Variants in ORC5 observed in about 807,000 individuals in gnomAD.
ORC5 encodes origin recognition complex subunit 5.
ORC5 carries 39 observed loss-of-function variants against 58.8 expected under a neutral mutation model. The observed-to-expected ratio is 0.66, with a 90% CI of 0.51 to 0.87. The LOEUF (loss-of-function observed/expected upper bound fraction) is 0.87, where lower values mean the gene tolerates loss of function less well. Ranked by LOEUF, ORC5 falls within the 40% of genes least tolerant of loss-of-function variation. The pLI is 0.00. For missense variants in ORC5, 493 were observed against 506.3 expected, an observed-to-expected ratio of 0.97 and a Z score of 0.25; for synonymous variants, 218 against 177.6, an observed-to-expected ratio of 1.23 and a Z score of -1.81.
At chr7:104,183,278 C>A (rs553186713) in intron 8 of ORC5, among the ~76,000 whole-genome samples, 1 of 152,272 alleles carries the variant, frequency 6.6e-6, no homozygotes, top group South Asian at 2.1e-4. Context: ...CTTCAAACCT[C>A]CCTTGTGGCT....
At chr7:104,175,066 T>A (rs986267411) in intron 8 of ORC5, among the ~76,000 whole-genome samples, 4 of 152,242 alleles carry the variant, frequency 2.6e-5, no homozygotes, top group African/African-American at 9.6e-5. Context: ...TTTGTTCCTG[T>A]TCTAAAGCTA....
intron 8 of ORC5, among the ~76,000 whole-genome samples, chr7:104,177,339 A>G (rs1042203383): frequency 2.6e-5 from 4 of 152,216 alleles, no homozygotes; most frequent in African/African-American, 7.2e-5. Context: ...AGAAAAGACT[A>G]TATTTGGGAC....
rs114971360 is a variant in ORC5, at chr7:104,138,113, A to C, written c.1150-1220T>G. 0.022 allele frequency among the ~76,000 whole-genome samples: 3,390 copies of C among 152,324 alleles called. 129 individuals carry two copies. The highest frequency in any genetic ancestry group is 0.077 in the African/African-American group (3,219 of 41,572). ...TGAGCAGCGGGACACTGAAGAAGCA[A>C]GCCACTACCCCTGGAAGGGGGACAA... is the stretch of plus-strand genomic sequence containing the variant. On this transcript the variant is annotated intron_variant, in intron 12 of 13. Coordinates refer to ENST00000297431, the MANE Select transcript of ORC5 (RefSeq NM_002553.4). This position sits in a 1 kb window ranked among gnomAD's most constrained non-coding sequence, Gnocchi z 4.7.
At chr7:104,144,905 A>AC (rs1214889733) in intron 12 of ORC5, among the ~76,000 whole-genome samples, 1 of 151,388 alleles carries the variant, frequency 6.6e-6, no homozygotes, top group African/African-American at 2.4e-5. Context: ...TCTGACAAAA[A>AC]GTCTCTAGAC....
chr7:104,176,854 T>C (rs1799331935), intron 8 of ORC5, among the ~76,000 whole-genome samples: 1 of 152,218 alleles, frequency 6.6e-6, no homozygotes, highest in African/African-American at 2.4e-5. Flanking sequence ...AGTTTTATAT[T>C]TGTCTCTACT....
At chr7:104,169,157 G>A (rs897549686) in intron 8 of ORC5, among the ~76,000 whole-genome samples, 3 of 152,068 alleles carry the variant, frequency 2.0e-5, no homozygotes, top group Non-Finnish European at 2.9e-5. Flanking sequence ...TCTAGTTACC[G>A]TATTAGATGC....
chr7:104,163,398 T>C (rs1799056085), intron 11 of ORC5, among the ~76,000 whole-genome samples: 1 of 152,204 alleles, frequency 6.6e-6, no homozygotes, highest in Non-Finnish European at 1.5e-5. Context: ...CACTATGAGA[T>C]GAAAGAGGGT....
intron 8 of ORC5, among the ~76,000 whole-genome samples, chr7:104,176,222 G>T (rs1448505511): frequency 6.6e-6 from 1 of 152,130 alleles, no homozygotes; most frequent in African/African-American, 2.4e-5. Context: ...ATCCCTTAGG[G>T]CATTCTATTC....
Position 104,200,911 on chromosome 7 carries a change from C to T in ORC5, c.213G>A (p.Leu71=), listed in dbSNP as rs1799925333. 6.2e-7 allele frequency: 1 copy of T among 1,613,658 alleles called. No individual in the cohort carries two copies. Among genetic ancestry groups the T allele is most frequent in the Non-Finnish European group, 8.5e-7 (1 of 1,179,684 alleles). ...ATTTGTTTAAAATTTGTTCCAAAAG[C>T]AGCCTCAATGTAAAGCATTCAACAC... ...VNCVECFTLR[L]LLEQILNKLN... is the part of the protein sequence containing the mutation. Residue 71 remains leucine, a synonymous_variant, in exon 3 of 14, where the codon CTG becomes CTA. Coordinates refer to ENST00000297431, the MANE Select transcript of ORC5 (RefSeq NM_002553.4).
chr7:104,171,687 CA>C (rs375401251), intron 8 of ORC5, among the ~76,000 whole-genome samples: 2 of 151,438 alleles, frequency 1.3e-5, no homozygotes, highest in Non-Finnish European at 2.9e-5. Flanking sequence ...ACTCTTAAAA[CA>C]AAAAAAATAC....
chr7:104,186,200 T>G (rs1247705128), intron 6 of ORC5, among the ~76,000 whole-genome samples: 1 of 151,332 alleles, frequency 6.6e-6, no homozygotes, highest in African/African-American at 2.5e-5. Context: ...AGGGTCCACT[T>G]GTCTACAGAT....
intron 2 of ORC5, 77 bp from the exon 3 acceptor site, chr7:104,201,035 C>A: frequency 2.4e-6 from 3 of 1,266,272 alleles, no homozygotes; most frequent in East Asian, 5.0e-5. Flanking sequence ...GGATAGTCTC[C>A]ATTTGCCTTT....
At chr7:104,182,794 T>C (rs1799461926) in intron 8 of ORC5, among the ~76,000 whole-genome samples, 1 of 152,148 alleles carries the variant, frequency 6.6e-6, no homozygotes, top group African/African-American at 2.4e-5. Flanking sequence ...TTACTATACA[T>C]TTTACTTTGT....
chr7:104,186,723 AAAAG>A (rs1413616768), intron 6 of ORC5, among the ~76,000 whole-genome samples: 3 of 152,184 alleles, frequency 2.0e-5, no homozygotes, highest in Non-Finnish European at 4.4e-5. Context: ...CTGAAGAAAA[AAAAG>A]AAAATGAATA....
chr7:104,154,242 T>A (rs1374217211), intron 12 of ORC5, among the ~76,000 whole-genome samples: 1 of 152,044 alleles, frequency 6.6e-6, no homozygotes, highest in East Asian at 1.9e-4. Context: ...TTTAATTGGG[T>A]ATTAACAAAA....
At chr7:104,165,374 C>T (rs921090947) in intron 10 of ORC5, 92 bp from the exon 11 acceptor site, 12 of 706,614 alleles carry the variant, frequency 1.7e-5, no homozygotes, top group Middle Eastern at 4.7e-4. Context: ...ACACATAATA[C>T]TAATCTGTAT....
At chr7:104,163,598 C>T (rs1799059620) in intron 11 of ORC5, among the ~76,000 whole-genome samples, 1 of 152,096 alleles carries the variant, frequency 6.6e-6, no homozygotes, top group Non-Finnish European at 1.5e-5. Context: ...GCCATTCTCC[C>T]GCCTCAGCCT....
intron 5 of ORC5, among the ~76,000 whole-genome samples, chr7:104,191,236 A>C (rs1360755677): frequency 1.3e-5 from 2 of 151,958 alleles, no homozygotes; most frequent in Non-Finnish European, 2.9e-5. Context: ...GAAATAGTTA[A>C]TATACTGAAA....
At chr7:104,162,227 C>G (rs1298195376) in intron 11 of ORC5, among the ~76,000 whole-genome samples, 1 of 152,146 alleles carries the variant, frequency 6.6e-6, no homozygotes, top group South Asian at 2.1e-4. Flanking sequence ...GGCTGGAGTA[C>G]AGTGACACGA....
Sources: gnomAD v4.1 joint callset for allele counts (sites outside exome capture counted in the v4.1 genomes callset) on GRCh38, gnomAD v4.1.1 for gene constraint, Gnocchi (gnomAD v3.1) non-coding constraint, MANE v1.5 for transcripts, NCBI Gene and HGNC (gene_info 2026-07-23, HGNC 2026-07-21) for gene names.